The following MCTP1 variants were observed in gnomAD, a reference collection of about 807,000 sequenced individuals.
The protein encoded by MCTP1 is multiple C2 and transmembrane domain-containing protein 1.
A neutral mutation model predicts 120.6 loss-of-function variants in MCTP1; 69 were observed. That is an observed-to-expected ratio of 0.57 (90% CI 0.47 to 0.70). The LOEUF is 0.70. Among genes scored for constraint, MCTP1 ranks in the 30% least tolerant of loss-of-function variants. The pLI, the probability that MCTP1 is intolerant of heterozygous loss-of-function variation, is 0.00. For synonymous variants in MCTP1, 529 were observed against 493.1 expected (o/e 1.07, Z -0.96); for missense variants, 1,203 against 1,248.8 (o/e 0.96, Z 0.55).
intron 19 of MCTP1, among the ~76,000 whole-genome samples, chr5:94,771,298 TC>T (rs1408173529): frequency 1.3e-5 from 2 of 152,180 alleles, no homozygotes; most frequent in Non-Finnish European, 1.5e-5. Context: ...ATGTTTTGTG[TC>T]CTCTTCTGGG....
chr5:94,773,285 A>T (rs1314351225), intron 19 of MCTP1, among the ~76,000 whole-genome samples: 1 of 152,216 alleles, frequency 6.6e-6, no homozygotes, highest in Non-Finnish European at 1.5e-5. Context: ...CACCCCTGGC[A>T]TGAGATGTTC....
intron 17 of MCTP1, among the ~76,000 whole-genome samples, chr5:94,835,104 A>C (rs1258101357): frequency 6.6e-6 from 1 of 152,200 alleles, no homozygotes; most frequent in Admixed American, 6.5e-5. Context: ...CGCATGAGCC[A>C]CCATGCCTGG....
intron 1 of MCTP1, among the ~76,000 whole-genome samples, chr5:95,168,088 G>T (rs1165439487): frequency 6.6e-6 from 1 of 151,428 alleles, no homozygotes; most frequent in Non-Finnish European, 1.5e-5. Flanking sequence ...TGTAAAGAAG[G>T]GATCCAGTTT....
chr5:95,102,496 A>G (rs543671994), intron 1 of MCTP1, among the ~76,000 whole-genome samples: 3 of 152,348 alleles, frequency 2.0e-5, no homozygotes, highest in African/African-American at 7.2e-5. Flanking sequence ...CATTATCCCT[A>G]GTGATTACCA....
chr5:95,066,634 T>C (rs971153892), intron 1 of MCTP1, among the ~76,000 whole-genome samples: 21 of 152,160 alleles, frequency 1.4e-4, no homozygotes, highest in African/African-American at 4.1e-4. Flanking sequence ...TTAATATATA[T>C]ACATACATAA....
intron 1 of MCTP1, among the ~76,000 whole-genome samples, chr5:95,075,939 TG>T (rs1226655553): frequency 1.3e-5 from 2 of 152,326 alleles, no homozygotes; most frequent in East Asian, 3.9e-4. Flanking sequence ...AGACTTCCTC[TG>T]TCTGGTGTAT....
chr5:95,212,028 G>C (rs1220021728), intron 1 of MCTP1, among the ~76,000 whole-genome samples: 1 of 152,160 alleles, frequency 6.6e-6, no homozygotes, highest in African/African-American at 2.4e-5. Context: ...GAGGAGAACT[G>C]AAGGAGATAG....
intron 1 of MCTP1, among the ~76,000 whole-genome samples, chr5:95,155,323 A>C (rs1744995026): frequency 6.6e-6 from 1 of 152,178 alleles, no homozygotes; most frequent in Admixed American, 6.5e-5. Flanking sequence ...ATTTATGGAC[A>C]ATCAGGCTGG....
chr5:95,257,631 G>A (rs779107103), intron 1 of MCTP1, among the ~76,000 whole-genome samples: 2 of 152,038 alleles, frequency 1.3e-5, no homozygotes, highest in Admixed American at 6.6e-5. Flanking sequence ...ATAGCAATGA[G>A]CACACTTAGT....
intron 7 of MCTP1, among the ~76,000 whole-genome samples, chr5:94,920,232 G>A (rs2153457020): frequency 6.7e-6 from 1 of 149,728 alleles, no homozygotes; most frequent in African/African-American, 2.4e-5. Context: ...CAATAATATG[G>A]GAAAGGAACA....
At chr5:95,271,710 T>A (rs1319391175) in intron 1 of MCTP1, among the ~76,000 whole-genome samples, 1 of 151,876 alleles carries the variant, frequency 6.6e-6, no homozygotes, top group African/African-American at 2.4e-5. Context: ...GAAAAGGCAT[T>A]CCTTATATAT....
At chr5:94,874,443 T>C (rs1162883655) in intron 12 of MCTP1, among the ~76,000 whole-genome samples, 1 of 152,156 alleles carries the variant, frequency 6.6e-6, no homozygotes, top group Admixed American at 6.6e-5. Flanking sequence ...ACCTTTAATT[T>C]ATTAACTTTA....
chr5:94,750,774 T>G (rs1768096516), intron 19 of MCTP1, among the ~76,000 whole-genome samples: 1 of 152,222 alleles, frequency 6.6e-6, no homozygotes, highest in African/African-American at 2.4e-5. Flanking sequence ...CCTAGTCATC[T>G]TGACTGGTCT....
At chr5:94,986,247 T>C (rs1356865396) in intron 2 of MCTP1, among the ~76,000 whole-genome samples, 2 of 152,178 alleles carry the variant, frequency 1.3e-5, no homozygotes, top group Non-Finnish European at 2.9e-5. Context: ...ATCATTGTTA[T>C]TACGTGTTTC....
At chr5:95,160,674 T>A (rs1410425289) in intron 1 of MCTP1, among the ~76,000 whole-genome samples, 1 of 152,022 alleles carries the variant, frequency 6.6e-6, no homozygotes, top group Non-Finnish European at 1.5e-5. Flanking sequence ...AGACAAACCA[T>A]GGAGTGGGAG....
intron 1 of MCTP1, among the ~76,000 whole-genome samples, chr5:95,023,618 A>T (rs1235693771): frequency 6.6e-6 from 1 of 152,202 alleles, no homozygotes; most frequent in African/African-American, 2.4e-5. Flanking sequence ...ACTTTAGTGG[A>T]TCTAGAGAGA....
chr5:94,716,153 T>C (rs548017962), intron 19 of MCTP1, among the ~76,000 whole-genome samples: 1 of 152,328 alleles, frequency 6.6e-6, no homozygotes, highest in Non-Finnish European at 1.5e-5. Context: ...TAACGATCTT[T>C]GTTATAGATA....
intron 6 of MCTP1, 129 bp downstream of exon 6, chr5:94,931,824 A>T: frequency 4.1e-6 from 3 of 724,822 alleles, no homozygotes; most frequent in Non-Finnish European, 6.9e-6. Flanking sequence ...GCTTAAATTT[A>T]TGGGGAAAAG....
intron 1 of MCTP1, among the ~76,000 whole-genome samples, chr5:95,108,808 A>G (rs1757271011): frequency 6.6e-6 from 1 of 152,210 alleles, no homozygotes; most frequent in South Asian, 2.1e-4. Context: ...GGTTGAAAGA[A>G]ATCCAAAAGA....
Sources: allele counts gnomAD v4.1 joint callset (sites outside exome capture counted in the v4.1 genomes callset), GRCh38; gene constraint gnomAD v4.1.1; transcripts MANE v1.5; gene names NCBI Gene and HGNC (gene_info 2026-07-23, HGNC 2026-07-21).